The following NDST3 variants were observed in gnomAD, a reference collection of about 807,000 sequenced individuals.
The protein encoded by NDST3 is N-deacetylase and N-sulfotransferase 3, also known as bifunctional heparan sulfate N-deacetylase/N-sulfotransferase 3.
NDST3 carries 58 observed loss-of-function variants against 96.1 expected under a neutral mutation model. That is an observed-to-expected ratio of 0.60 (90% CI 0.49 to 0.75). The LOEUF is 0.75. Ranked by LOEUF, NDST3 falls within the 30% of genes least tolerant of loss-of-function variation. The probability of loss-of-function intolerance (pLI) is 0.00; values close to 1 mark genes in which losing one functional copy is unlikely to be tolerated. For synonymous variants in NDST3, 333 were observed against 359.7 expected, an observed-to-expected ratio of 0.93 and a Z score of 0.84; for missense variants, 788 against 1,034.2, an observed-to-expected ratio of 0.76 and a Z score of 3.27.
chr4:118,111,388 G>A (rs1004223514), intron 3 of NDST3, among the ~76,000 whole-genome samples: 1 of 151,996 alleles, frequency 6.6e-6, no homozygotes, highest in African/African-American at 2.4e-5. Context: ...TAAAATTGAG[G>A]AATTTGACTT....
At chr4:118,220,496 T>C (rs926261630) in intron 6 of NDST3, among the ~76,000 whole-genome samples, 1 of 151,864 alleles carries the variant, frequency 6.6e-6, no homozygotes, top group African/African-American at 2.4e-5. Context: ...AAATAGCTAA[T>C]GTATATGGGG....
intron 9 of NDST3, among the ~76,000 whole-genome samples, chr4:118,234,321 G>A (rs1048753957): frequency 6.6e-6 from 1 of 152,092 alleles, no homozygotes; most frequent in African/African-American, 2.4e-5. Context: ...GCTGAGATGG[G>A]AGGATAACCT....
At chr4:118,144,170 C>T (rs924420138) in intron 6 of NDST3, among the ~76,000 whole-genome samples, 1 of 151,858 alleles carries the variant, frequency 6.6e-6, no homozygotes, top group Non-Finnish European at 1.5e-5. Flanking sequence ...GCAGAGCAGG[C>T]CTATTTAATG....
At chr4:118,097,011 T>C (rs915537697) in intron 2 of NDST3, among the ~76,000 whole-genome samples, 1 of 152,008 alleles carries the variant, frequency 6.6e-6, no homozygotes, top group Non-Finnish European at 1.5e-5. Flanking sequence ...TCAGTCTTTT[T>C]GTTCTACTTA....
chr4:118,161,272 C>G (rs950962762), intron 6 of NDST3, among the ~76,000 whole-genome samples: 1 of 152,214 alleles, frequency 6.6e-6, no homozygotes, highest in Admixed American at 6.5e-5. Flanking sequence ...AGGTGTCAGT[C>G]TGCCCCTACT....
chr4:118,061,754 T>C (rs1211186691), intron 2 of NDST3, among the ~76,000 whole-genome samples: 1 of 152,172 alleles, frequency 6.6e-6, no homozygotes, highest in Non-Finnish European at 1.5e-5. Context: ...GATGAATGAA[T>C]TGCATTCTTT....
intron 3 of NDST3, among the ~76,000 whole-genome samples, chr4:118,106,196 T>A (rs961907306): frequency 6.6e-6 from 1 of 152,184 alleles, no homozygotes; most frequent in South Asian, 2.1e-4. Context: ...CCAAGTACTT[T>A]CTCCTGCTGT....
intron 3 of NDST3, among the ~76,000 whole-genome samples, chr4:118,109,447 C>T (rs1266876844): frequency 1.3e-5 from 2 of 152,116 alleles, no homozygotes; most frequent in Non-Finnish European, 1.5e-5. Context: ...TGATGCTAGC[C>T]AATTCATGTC....
chr4:118,087,353 G>A (rs972940088), intron 2 of NDST3, among the ~76,000 whole-genome samples: 1 of 152,022 alleles, frequency 6.6e-6, no homozygotes, highest in East Asian at 1.9e-4. Flanking sequence ...AGATCACTAC[G>A]AAGGCAGGGA....
intron 2 of NDST3, among the ~76,000 whole-genome samples, chr4:118,098,018 G>C (rs1365602785): frequency 6.7e-6 from 1 of 148,734 alleles, no homozygotes; most frequent in African/African-American, 2.4e-5. Flanking sequence ...TTTTGGAAGG[G>C]GGTGGGTTGC....
chr4:118,224,663 C>G lies in NDST3; in HGVS notation c.1712C>G (p.Pro571Arg). The change falls in exon 7 of 14, where the codon CCT (proline) becomes CGT (arginine). Residue 571 changes from proline (P) to arginine (R), a missense_variant. Pro to Arg is a moderately radical substitution (Grantham distance 103). Coordinates refer to ENST00000296499, the MANE Select transcript of NDST3 (RefSeq NM_004784.3). ...YFELFPDQKD[P>R]LWQNPCDDKR... is the part of the protein sequence containing the mutation. ...GAGCTGTTTCCTGATCAGAAAGACC[C>G]TCTCTGGCAGGTAAAATTAATTAAA... 6.3e-7 allele frequency: 1 copy of G among 1,586,768 alleles called. No homozygotes were observed. The highest frequency in any genetic ancestry group is 8.6e-7 in the Non-Finnish European group (1 of 1,166,988).
intron 6 of NDST3, among the ~76,000 whole-genome samples, chr4:118,212,170 G>A (rs1342789768): frequency 6.6e-6 from 1 of 152,124 alleles, no homozygotes; most frequent in African/African-American, 2.4e-5. Flanking sequence ...ATGACCTGAT[G>A]AAAAAACATG....
chr4:118,051,776 A>G (rs1725095484), intron 1 of NDST3, among the ~76,000 whole-genome samples: 1 of 152,102 alleles, frequency 6.6e-6, no homozygotes, highest in South Asian at 2.1e-4. Context: ...GCCAACAAAC[A>G]TGAAAAAATG....
intron 2 of NDST3, among the ~76,000 whole-genome samples, chr4:118,083,807 T>C (rs998988891): frequency 6.6e-6 from 1 of 152,212 alleles, no homozygotes; most frequent in African/African-American, 2.4e-5. Flanking sequence ...ACACCATTTG[T>C]AATGGAAAAG....
At chr4:118,213,103 G>A (rs1039684485) in intron 6 of NDST3, among the ~76,000 whole-genome samples, 26 of 152,134 alleles carry the variant, frequency 1.7e-4, no homozygotes, top group South Asian at 8.3e-4. Context: ...AAGCTAAATC[G>A]TCAAAGCTAA....
intron 6 of NDST3, among the ~76,000 whole-genome samples, chr4:118,184,605 A>T (rs1454428648): frequency 3.4e-5 from 4 of 117,396 alleles, no homozygotes; most frequent in African/African-American, 1.4e-4. Context: ...CTCTCTCTAC[A>T]CACACACACA....
At chr4:118,168,703 CA>C (rs1700541990) in intron 6 of NDST3, among the ~76,000 whole-genome samples, 1 of 152,046 alleles carries the variant, frequency 6.6e-6, no homozygotes, top group African/African-American at 2.4e-5. Flanking sequence ...TTCACACAGC[CA>C]AGATGAGGAA....
chr4:118,241,314 T>TA, intron 11 of NDST3, among the ~76,000 whole-genome samples: 1 of 152,348 alleles, frequency 6.6e-6, no homozygotes, highest in Non-Finnish European at 1.5e-5. Flanking sequence ...GTTCAATAGC[T>TA]AAATGTTAGA....
At chr4:118,224,881 T>G (rs964487484) in intron 7 of NDST3, among the ~76,000 whole-genome samples, 2 of 152,146 alleles carry the variant, frequency 1.3e-5, no homozygotes, top group Non-Finnish European at 2.9e-5. Flanking sequence ...CATTGGAAAT[T>G]ATGGGATTCG....
Sources: allele counts gnomAD v4.1 joint callset (sites outside exome capture counted in the v4.1 genomes callset), GRCh38; gene constraint gnomAD v4.1.1; transcripts MANE v1.5; gene names NCBI Gene and HGNC (gene_info 2026-07-23, HGNC 2026-07-21).